The following PPARG variants were observed in gnomAD, a reference collection of about 807,000 sequenced individuals.
The protein encoded by PPARG is peroxisome proliferator-activated receptor gamma.
PPARG carries 17 observed loss-of-function variants against 39.2 expected under a neutral mutation model. That is an observed-to-expected ratio of 0.43 (90% CI 0.30 to 0.65). PPARG has a LOEUF of 0.65. Ranked by LOEUF, PPARG falls within the 30% of genes least tolerant of loss-of-function variation. The pLI is 0.13. For missense variants in PPARG, 406 were observed against 585.9 expected, an observed-to-expected ratio of 0.69 and a Z score of 3.17; for synonymous variants, 223 against 215.7, an observed-to-expected ratio of 1.03 and a Z score of -0.30.
Position 12,323,760 on chromosome 3 carries a change from T to TA in PPARG, c.-9+11318dup, listed in dbSNP as rs1175869591. Among the ~76,000 whole-genome samples, 571 of 137,886 alleles carry TA rather than the reference T, an allele frequency of 4.1e-3. 1 individual carries two copies. Among genetic ancestry groups the TA allele is most frequent in the African/African-American group, 0.011 (418 of 38,024 alleles). The allele number at this position is 137,886 out of a possible 152,430, so 90.5% of individuals were successfully genotyped here. A position where few individuals can be genotyped will look rare whatever the true frequency, so the allele number is the denominator to read the frequency against. The stretch of plus-strand genomic sequence containing the variant: ...AATGGTAATGAAAGGTCAAGAAGAA[T>TA]AAAAAAAAAAAGAGTAAGGCCATTA... On this transcript the variant is annotated intron_variant, in intron 2 of 7. Coordinates refer to ENST00000651735, the MANE Select transcript of PPARG (RefSeq NM_138711.6).
At chr3:12,346,260 C>T (rs756676684) in intron 2 of PPARG, among the ~76,000 whole-genome samples, 1 of 152,032 alleles carries the variant, frequency 6.6e-6, no homozygotes, top group African/African-American at 2.4e-5. Flanking sequence ...GATGAAAGTG[C>T]CTTTTATACT....
At chr3:12,417,265 T>A in intron 7 of PPARG, 111 bp downstream of exon 7, 1 of 1,077,538 alleles carries the variant, frequency 9.3e-7, no homozygotes. Flanking sequence ...TAAGTGCCAG[T>A]GGCATGATGC....
intron 2 of PPARG, among the ~76,000 whole-genome samples, chr3:12,328,662 G>A (rs970131331): frequency 6.6e-6 from 1 of 152,216 alleles, no homozygotes; most frequent in Non-Finnish European, 1.5e-5. Context: ...AGAGGCAGTG[G>A]CCATCTCCAC....
At chr3:12,330,017 A>G (rs1204525444) in intron 2 of PPARG, among the ~76,000 whole-genome samples, 1 of 152,184 alleles carries the variant, frequency 6.6e-6, no homozygotes, top group Non-Finnish European at 1.5e-5. Context: ...GATATATACC[A>G]CATTGTGTTT....
intron 2 of PPARG, chr3:12,351,778 A>C (rs985674291): frequency 2.3e-6 from 2 of 872,566 alleles, no homozygotes; most frequent in African/African-American, 3.3e-5. Flanking sequence ...TTTTAATACT[A>C]TCATGTGTAC....
At chr3:12,419,172 T>C (rs2051177493) in intron 7 of PPARG, among the ~76,000 whole-genome samples, 1 of 152,156 alleles carries the variant, frequency 6.6e-6, no homozygotes, top group Non-Finnish European at 1.5e-5. Flanking sequence ...CTCGAACTCC[T>C]GACCTCAGGT....
intron 2 of PPARG, among the ~76,000 whole-genome samples, chr3:12,360,560 A>G (rs2048811407): frequency 7.3e-6 from 1 of 137,064 alleles, no homozygotes; most frequent in African/African-American, 2.6e-5. Flanking sequence ...ATACTTGCGA[A>G]ATTAGCACCC....
intron 2 of PPARG, among the ~76,000 whole-genome samples, chr3:12,345,128 T>G (rs1575028780): frequency 6.6e-6 from 1 of 152,182 alleles, no homozygotes; most frequent in East Asian, 1.9e-4. Context: ...AATTTTCAAA[T>G]AGTAATGTTA....
intron 2 of PPARG, among the ~76,000 whole-genome samples, chr3:12,336,489 A>G (rs2048017668): frequency 6.6e-6 from 1 of 152,188 alleles, no homozygotes; most frequent in African/African-American, 2.4e-5. Flanking sequence ...AAAAATGGAA[A>G]CATTTACATT....
rs1248154810 is a variant in PPARG at position 12,392,820 on chromosome 3, A to G, written c.529+68A>G. On this transcript the variant is annotated intron_variant, in intron 5 of 7. Coordinates refer to ENST00000651735, the MANE Select transcript of PPARG (RefSeq NM_138711.6). ...TAGCTGCCAGACCAGTGGACACTAA[A>G]GCCATTGCCAAAAATGTGTACAGTT... 4.4e-6 allele frequency: 7 copies of G among 1,581,662 alleles called. No individual in the cohort carries two copies. The African/African-American group carries it at 8.1e-5, about 18-fold the overall frequency.
intron 2 of PPARG, among the ~76,000 whole-genome samples, chr3:12,354,920 T>A (rs2048612118): frequency 1.3e-5 from 2 of 152,174 alleles, no homozygotes; most frequent in Admixed American, 6.5e-5. Context: ...ATGATCAAAC[T>A]TAGAGAAAGC....
chr3:12,323,594 C>T (rs959373212), intron 2 of PPARG, among the ~76,000 whole-genome samples: 3 of 152,142 alleles, frequency 2.0e-5, no homozygotes, highest in African/African-American at 7.2e-5. Flanking sequence ...CCCTATTTGA[C>T]AGGTGAATTA....
At chr3:12,430,346 C>T (rs750445252) in intron 7 of PPARG, among the ~76,000 whole-genome samples, 1 of 152,198 alleles carries the variant, frequency 6.6e-6, no homozygotes, top group Non-Finnish European at 1.5e-5. Flanking sequence ...TGGTTCAGAA[C>T]GTAGTCTCTG....
intron 5 of PPARG, among the ~76,000 whole-genome samples, chr3:12,399,024 G>T (rs1001443585): frequency 2.6e-4 from 40 of 152,176 alleles, no homozygotes. Flanking sequence ...AGTACAGAGA[G>T]GCACACTAGA....
chr3:12,346,008 A>G (rs1269454606), intron 2 of PPARG, among the ~76,000 whole-genome samples: 2 of 152,250 alleles, frequency 1.3e-5, no homozygotes, highest in Non-Finnish European at 2.9e-5. Flanking sequence ...AAAACAGCTT[A>G]CTAGAGAATT....
Position 12,429,453 on chromosome 3 carries a change from C to T in PPARG, c.1181-4445C>T, listed in dbSNP as rs3821614. Reference sequence around the variant, plus strand: ...AAGGAGGAGGCTGGGAGCGGTGGCTCCCGCTTGTCATCCCAGCACTTTGAG... The same window carrying T: ...AAGGAGGAGGCTGGGAGCGGTGGCTTCCGCTTGTCATCCCAGCACTTTGAG... On this transcript the variant is annotated intron_variant, in intron 7 of 7. Transcript: ENST00000651735. 1.2e-4 allele frequency among the ~76,000 whole-genome samples: 18 copies of T among 151,568 alleles called. No homozygotes were observed. In the East Asian group the frequency reaches 3.3e-3, roughly 28 times the overall value.
At chr3:12,372,882 C>T (rs1178880261) in intron 2 of PPARG, among the ~76,000 whole-genome samples, 1 of 152,220 alleles carries the variant, frequency 6.6e-6, no homozygotes, top group African/African-American at 2.4e-5. Context: ...TAATGGCACA[C>T]ATCCATGTCC....
At chr3:12,395,451 C>G (rs2050224943) in intron 5 of PPARG, among the ~76,000 whole-genome samples, 1 of 152,148 alleles carries the variant, frequency 6.6e-6, no homozygotes, top group Non-Finnish European at 1.5e-5. Flanking sequence ...AAATACAGAG[C>G]CTCTGGGCTA....
At chr3:12,325,402 C>T (rs1323111443) in intron 2 of PPARG, among the ~76,000 whole-genome samples, 5 of 151,942 alleles carry the variant, frequency 3.3e-5, no homozygotes, top group Non-Finnish European at 7.4e-5. Context: ...GCCTGGGCGA[C>T]AAGAGCGAGA....
Sources: gnomAD v4.1 joint callset for allele counts (sites outside exome capture counted in the v4.1 genomes callset) on GRCh38, gnomAD v4.1.1 for gene constraint, MANE v1.5 for transcripts, NCBI Gene and HGNC (gene_info 2026-07-23, HGNC 2026-07-21) for gene names.